Variants in CRYBB2 observed in about 807,000 individuals in gnomAD.
CRYBB2 encodes the protein beta-crystallin B2.
CRYBB2 carries 12 observed loss-of-function variants against 24.3 expected under a neutral mutation model. The observed-to-expected ratio is 0.49, with a 90% CI of 0.32 to 0.80. CRYBB2 has a LOEUF of 0.80. CRYBB2 is among the 30% of genes least tolerant of loss of function. The pLI, the probability that CRYBB2 is intolerant of heterozygous loss-of-function variation, is 0.04. For missense variants in CRYBB2, 198 were observed against 268.5 expected (o/e 0.74, Z 1.83); for synonymous variants, 98 against 101.6 (o/e 0.96, Z 0.21).
rs75282191 is a variant in CRYBB2, at chr22:25,229,035, C to T, written c.307-401C>T. ...GTGTGGGTGTGCACGTGTGTGCGTG[C>T]GTGTGTGCAAGTGTGGTGTGCGTGT... On this transcript the variant is annotated intron_variant, in intron 4 of 5. Coordinates refer to ENST00000398215, the MANE Select transcript of CRYBB2 (RefSeq NM_000496.3). 5.4e-3 allele frequency among the ~76,000 whole-genome samples: 680 copies of T among 124,816 alleles called. 7 individuals carry two copies. Among genetic ancestry groups the T allele is most frequent in the African/African-American group, 0.02 (618 of 31,248 alleles). The allele number at this position is 124,816 out of a possible 152,430, so 81.9% of individuals were successfully genotyped here.
upstream of CRYBB2, among the ~76,000 whole-genome samples, chr22:25,218,151 A>AG (rs1569015303): frequency 1.3e-5 from 2 of 151,814 alleles, no homozygotes; most frequent in African/African-American, 4.8e-5. Context: ...CCCAGCTACT[A>AG]GGGAGGCTGA....
At chr22:25,227,800 A>G in intron 3 of CRYBB2, 53 bp from the exon 4 acceptor site, 1 of 1,613,112 alleles carries the variant, frequency 6.2e-7, no homozygotes. Flanking sequence ...ATTCTGCCAT[A>G]GGAAGCTTGG....
At position 25,231,682 on chromosome 22, in the gene CRYBB2, C is replaced by T; in HGVS notation, c.528C>T (p.Asp176=). Residue 176 remains aspartate, a synonymous_variant, in exon 6 of 6, where the codon GAC becomes GAT. Transcript: ENST00000398215. ...AGGGAGACTACAAGGACAGCAGCGA[C>T]TTTGGGGCCCCTCACCCCCAGGTGC... ...LEKGDYKDSS[D]FGAPHPQVQS... The T allele has an allele frequency of 6.2e-7, 1 of 1,614,150 alleles. No individual in the cohort carries two copies. Among genetic ancestry groups the T allele is most frequent in the Admixed American group, 1.7e-5 (1 of 60,022 alleles).
In CRYBB2 at chr22:25,231,834, C is replaced by T. The variant is rs541902189; in HGVS notation, c.*62C>T. The T allele has an allele frequency of 1.3e-4, 201 of 1,505,802 alleles. 1 individual carries two copies. The African/African-American group carries it at 2.6e-3, about 20-fold the overall frequency. The allele number at this position is 1,505,802 out of a possible 1,614,324, so 93.3% of individuals were successfully genotyped here. On this transcript the variant is annotated 3_prime_UTR_variant, in exon 6 of 6. Coordinates refer to ENST00000398215, the MANE Select transcript of CRYBB2 (RefSeq NM_000496.3). ...TCTGCTGCCCAGGAACCCTCCAGAC[C>T]TCCCAGAGAGTGAATAAAGTGTGAC...
intron 2 of CRYBB2, among the ~76,000 whole-genome samples, chr22:25,222,963 T>C (rs561830473): frequency 6.6e-6 from 1 of 152,180 alleles, no homozygotes; most frequent in Non-Finnish European, 1.5e-5. Context: ...ACTAATTACA[T>C]GTGCTCAGTA....
chr22:25,228,814 GA>G (rs1421154454), intron 4 of CRYBB2, among the ~76,000 whole-genome samples: 1 of 152,234 alleles, frequency 6.6e-6, no homozygotes, highest in Non-Finnish European at 1.5e-5. Flanking sequence ...GATAACTAAG[GA>G]AAATGTCATA....
intron 1 of CRYBB2, 52 bp from the exon 2 acceptor site, chr22:25,221,351 GA>G (rs1163334445): frequency 1.3e-5 from 15 of 1,139,280 alleles, no homozygotes; most frequent in Non-Finnish European, 2.0e-5. Context: ...CCCACAGAGT[GA>G]AAAAGCCAGT....
upstream of CRYBB2, among the ~76,000 whole-genome samples, chr22:25,215,161 C>T (rs1935152300): frequency 6.6e-6 from 1 of 152,232 alleles, no homozygotes; most frequent in South Asian, 2.1e-4. Context: ...AAAATCTCTG[C>T]AGCACTGTGA....
rs1601424604 is a variant in CRYBB2 at position 25,231,470 on chromosome 22, A to T, written c.450-134A>T. 6 of 840,782 alleles carry T rather than the reference A, an allele frequency of 7.1e-6. No homozygotes were observed. The East Asian group carries it at 1.5e-4, about 21-fold the overall frequency. 52.1% of individuals were successfully genotyped at this position (840,782 alleles called of 1,614,324 possible). On this transcript the variant is annotated intron_variant, in intron 5 of 5. Coordinates refer to ENST00000398215, the MANE Select transcript of CRYBB2 (RefSeq NM_000496.3). The stretch of plus-strand genomic sequence containing the variant: ...AAAGGGTGTCCTGCTTACCCTTGGG[A>T]AGTGGCAATGGTTGGGAGGCTTCAC...
chr22:25,213,911 G>A (rs1445243830), intron 1 of CRYBB2, among the ~76,000 whole-genome samples: 2 of 152,114 alleles, frequency 1.3e-5, no homozygotes, highest in Admixed American at 6.6e-5. Flanking sequence ...CTGTCAATAC[G>A]TATTTTCTGA....
chr22:25,218,036 G>A (rs533747824), upstream of CRYBB2, among the ~76,000 whole-genome samples: 4 of 151,938 alleles, frequency 2.6e-5, no homozygotes, highest in East Asian at 5.9e-4. Context: ...GAGACGGGCG[G>A]ATAATGAGGT....
At chr22:25,218,838 G>GAAAGAAAGAAAAAGAAAGAAAGAA (rs386365958), upstream of CRYBB2, among the ~76,000 whole-genome samples, 1 of 97,992 alleles carries the variant, frequency 1.0e-5, no homozygotes, top group Non-Finnish European at 2.0e-5. Context: ...AAGAAAGAAA[G>GAAAGAAAGAAAAAGAAAGAAAGAA]AGAAAGAAAG....
chr22:25,212,007 G>A (rs1442534863), upstream of CRYBB2, among the ~76,000 whole-genome samples: 1 of 152,226 alleles, frequency 6.6e-6, no homozygotes, highest in Non-Finnish European at 1.5e-5. Flanking sequence ...GTAACATGGA[G>A]ATAATAATGC....
At chr22:25,215,070 T>G (rs531349158), upstream of CRYBB2, among the ~76,000 whole-genome samples, 52 of 152,344 alleles carry the variant, frequency 3.4e-4, no homozygotes, top group South Asian at 0.01. Flanking sequence ...TGCACCAACC[T>G]AATACATGGT....
Position 25,221,148 on chromosome 22 carries a change from G to A in CRYBB2, c.-26-256G>A, listed in dbSNP as rs1475844962. Among the ~76,000 whole-genome samples, 4 of 152,302 alleles carry A rather than the reference G, an allele frequency of 2.6e-5. No individual in the cohort carries two copies. In the East Asian group the frequency reaches 5.8e-4, roughly 22 times the overall value. On this transcript the variant is annotated intron_variant, in intron 1 of 5. Coordinates refer to ENST00000398215, the MANE Select transcript of CRYBB2 (RefSeq NM_000496.3). ...GGAACCCACTTTGGACCTCATTTAA[G>A]CTCTAGTTTATTACTGCTCTCTTTC... is the stretch of plus-strand genomic sequence containing the variant.
At position 25,231,321 on chromosome 22, in the gene CRYBB2, CCAGTACAGTA is replaced by C. The variant is rs11277566; in HGVS notation, c.450-259_450-250del. The stretch of plus-strand genomic sequence containing the variant: ...AAGATATCACCCCCTTGCTCTGACC[CCAGTACAGTA>C]CAGTACAGTACAGTACAGTACAGGC... On this transcript the variant is annotated intron_variant, in intron 5 of 5. Coordinates refer to ENST00000398215, the MANE Select transcript of CRYBB2 (RefSeq NM_000496.3). 0.22 allele frequency among the ~76,000 whole-genome samples: 32,715 copies of C among 149,410 alleles called. 3,841 individuals are homozygous for C. The highest frequency in any genetic ancestry group is 0.28 in the African/African-American group (11,430 of 40,674).
At chr22:25,225,058 C>T in intron 3 of CRYBB2, 22 bp downstream of exon 3, 2 of 1,298,644 alleles carry the variant, frequency 1.5e-6, no homozygotes, top group Non-Finnish European at 2.2e-6. Context: ...GGTGGCCTCT[C>T]CTGGTCAGGG....
At chr22:25,218,597 C>T (rs1935221115), upstream of CRYBB2, among the ~76,000 whole-genome samples, 1 of 149,498 alleles carries the variant, frequency 6.7e-6, no homozygotes, top group African/African-American at 2.5e-5. Context: ...ACCTGGGAGG[C>T]AGAGGTTGCA....
chr22:25,218,827 A>AAAGAAAGAAAG (rs1935268255), upstream of CRYBB2, among the ~76,000 whole-genome samples: 1 of 119,064 alleles, frequency 8.4e-6, no homozygotes, highest in Non-Finnish European at 1.7e-5. Flanking sequence ...AGAAAGAAAG[A>AAAGAAAGAAAG]AAGAAAGAAA....
Sources: allele counts gnomAD v4.1 joint callset (sites outside exome capture counted in the v4.1 genomes callset), GRCh38; gene constraint gnomAD v4.1.1; transcripts MANE v1.5; gene names NCBI Gene and HGNC (gene_info 2026-07-23, HGNC 2026-07-21).